FGF14: variants seen among roughly 807,000 people sequenced by gnomAD.
FGF14 encodes fibroblast growth factor 14.
In FGF14, 5 loss-of-function variants were observed where a neutral mutation model predicts 25.5. The ratio of observed to expected loss-of-function variants is 0.20; its 90% CI spans 0.10 to 0.41. The LOEUF (loss-of-function observed/expected upper bound fraction) is 0.41. FGF14 is among the 10% of genes least tolerant of loss of function. The pLI, the probability that FGF14 is intolerant of heterozygous loss-of-function variation, is 1.00. For missense variants in FGF14, 222 were observed against 320.1 expected (o/e 0.69, Z 2.34); for synonymous variants, 138 against 118.3 (o/e 1.17, Z -1.08).
intron 1 of FGF14, among the ~76,000 whole-genome samples, chr13:102,129,640 CT>C (rs1386426816): frequency 1.3e-5 from 2 of 151,814 alleles, no homozygotes; most frequent in East Asian, 3.9e-4. Flanking sequence ...AAAATTCTTA[CT>C]GATAATGCAC....
At chr13:101,795,317 G>T (rs538543902) in intron 3 of FGF14, among the ~76,000 whole-genome samples, 17 of 152,244 alleles carry the variant, frequency 1.1e-4, no homozygotes, top group African/African-American at 4.1e-4. Context: ...TAAGAAGAGA[G>T]AAAGTCCTTT....
intron 1 of FGF14, among the ~76,000 whole-genome samples, chr13:102,269,552 A>G (rs551659065): frequency 2.4e-4 from 36 of 152,230 alleles, no homozygotes; most frequent in African/African-American, 8.4e-4. Flanking sequence ...ATTTTATTTT[A>G]TTATATTTTA....
Position 101,717,023 on chromosome 13 carries a change from T to C in FGF14, c.*5808A>G, listed in dbSNP as rs553759663. ...TATTTAGAGCTAAAAAAAAAACCAC[T>C]TTTTTTCTAAAGGTGAATTACTTTG... On this transcript the variant is annotated 3_prime_UTR_variant, in exon 5 of 5. Transcript: ENST00000376143. 1.3e-5 allele frequency: 2 copies of C among 152,090 alleles called. No homozygotes were observed. The highest frequency in any genetic ancestry group is 6.5e-5 in the Admixed American group (1 of 15,270). The allele number at this position is 152,090 out of a possible 1,614,324, so 9.4% of individuals were successfully genotyped here. A position where few individuals can be genotyped will look rare whatever the true frequency, so the allele number is the denominator to read the frequency against.
chr13:101,905,350 C>T (rs755066133), intron 1 of FGF14, among the ~76,000 whole-genome samples: 49 of 152,270 alleles, frequency 3.2e-4, no homozygotes, highest in Non-Finnish European at 5.4e-4. Flanking sequence ...GGCACATATA[C>T]GCCATGGGAT....
intron 1 of FGF14, among the ~76,000 whole-genome samples, chr13:102,152,501 A>G (rs2047130172): frequency 6.6e-6 from 1 of 152,176 alleles, no homozygotes; most frequent in Non-Finnish European, 1.5e-5. Flanking sequence ...GTCAGATTGG[A>G]TTAAAGCCTA....
chr13:102,231,999 ATATTAG>A (rs1221910893), intron 1 of FGF14, among the ~76,000 whole-genome samples: 2 of 152,238 alleles, frequency 1.3e-5, no homozygotes, highest in African/African-American at 4.8e-5. Context: ...AGTGCAAACT[ATATTAG>A]AGTGTGCTGT....
At chr13:101,751,418 G>T (rs1473355164) in intron 3 of FGF14, among the ~76,000 whole-genome samples, 1 of 152,114 alleles carries the variant, frequency 6.6e-6, no homozygotes, top group African/African-American at 2.4e-5. Flanking sequence ...CAGGGTGGAG[G>T]AGGATGTTGG....
At chr13:102,282,062 TC>T (rs56024729) in intron 1 of FGF14, among the ~76,000 whole-genome samples, 44,129 of 124,798 alleles carry the variant, frequency 0.35, 6,992 homozygotes, top group African/African-American at 0.44. Flanking sequence ...TAACCCTGCT[TC>T]TTTTTTTTTT....
At chr13:101,852,892 T>A (rs968098487) in intron 3 of FGF14, among the ~76,000 whole-genome samples, 4 of 152,104 alleles carry the variant, frequency 2.6e-5, no homozygotes, top group African/African-American at 9.7e-5. Flanking sequence ...TTCATTTAGG[T>A]CACTATTTAA....
chr13:101,832,510 A>T (rs2042723244), intron 3 of FGF14, among the ~76,000 whole-genome samples: 1 of 152,062 alleles, frequency 6.6e-6, no homozygotes, highest in Non-Finnish European at 1.5e-5. Context: ...GTCACTTCTG[A>T]AGAAATTGTA....
At chr13:102,148,855 G>T (rs900501951) in intron 1 of FGF14, among the ~76,000 whole-genome samples, 1 of 151,934 alleles carries the variant, frequency 6.6e-6, no homozygotes, top group Non-Finnish European at 1.5e-5. Context: ...ACACTCATTG[G>T]TTATCTGGAC....
chr13:101,809,436 C>A (rs1013730315), intron 3 of FGF14, among the ~76,000 whole-genome samples: 3 of 152,106 alleles, frequency 2.0e-5, no homozygotes, highest in Admixed American at 1.3e-4. Context: ...ATCATAAAAT[C>A]TAAAAACAGC....
chr13:101,991,505 C>T (rs987982074), intron 1 of FGF14, among the ~76,000 whole-genome samples: 5 of 152,040 alleles, frequency 3.3e-5, no homozygotes, highest in African/African-American at 7.2e-5. Context: ...TCTAGTCTGA[C>T]GTGCAAAGGT....
chr13:102,334,757 A>G (rs1174096332), intron 1 of FGF14, among the ~76,000 whole-genome samples: 2 of 152,170 alleles, frequency 1.3e-5, no homozygotes, highest in Non-Finnish European at 2.9e-5. Context: ...TGCTTTTTGT[A>G]CCCTAAAACG....
intron 1 of FGF14, among the ~76,000 whole-genome samples, chr13:101,910,099 G>T (rs9585809): frequency 0.016 from 2,430 of 151,994 alleles, 73 homozygotes; most frequent in African/African-American, 0.055. Context: ...GTTGTGGGGT[G>T]GGGGTAGGGG....
At chr13:102,116,187 T>G (rs970208377) in intron 1 of FGF14, among the ~76,000 whole-genome samples, 1 of 152,126 alleles carries the variant, frequency 6.6e-6, no homozygotes, top group Non-Finnish European at 1.5e-5. Context: ...ATTATAATAA[T>G]TTAAAAAAGG....
intron 1 of FGF14, chr13:101,967,642 C>T (rs2037298087): frequency 6.5e-6 from 1 of 153,652 alleles, no homozygotes; most frequent in South Asian, 2.0e-4. Flanking sequence ...AGATAGCTTA[C>T]ACGTTGAATT....
At chr13:101,782,422 GGTTT>G (rs1442058862) in intron 3 of FGF14, among the ~76,000 whole-genome samples, 1 of 152,120 alleles carries the variant, frequency 6.6e-6, no homozygotes, top group Non-Finnish European at 1.5e-5. Context: ...TACATGTGCA[GGTTT>G]GTTACATAGG....
chr13:101,986,520 A>C (rs898618172), intron 1 of FGF14, among the ~76,000 whole-genome samples: 1 of 152,132 alleles, frequency 6.6e-6, no homozygotes, highest in African/African-American at 2.4e-5. Context: ...AAAGAAAAAG[A>C]GTGTTCTGAG....
Sources: gnomAD v4.1 joint callset for allele counts (sites outside exome capture counted in the v4.1 genomes callset) on GRCh38, gnomAD v4.1.1 for gene constraint, MANE v1.5 for transcripts, NCBI Gene and HGNC (gene_info 2026-07-23, HGNC 2026-07-21) for gene names.